CA10: variants seen among roughly 807,000 people sequenced by gnomAD.
The protein encoded by CA10 is carbonic anhydrase-related protein 10.
Under a neutral mutation model 44.2 loss-of-function variants are expected in CA10, and 14 were observed. The observed-to-expected ratio is 0.32, with a 90% CI of 0.21 to 0.50. The LOEUF is 0.50. Among genes scored for constraint, CA10 ranks in the 20% least tolerant of loss-of-function variants. CA10 has a pLI of 0.99. For missense variants in CA10, 350 were observed against 409.7 expected (o/e 0.85, Z 1.26); for synonymous variants, 159 against 141.6 (o/e 1.12, Z -0.87).
chr17:51,819,048 A>G (rs1907671553), intron 3 of CA10, among the ~76,000 whole-genome samples: 1 of 152,202 alleles, frequency 6.6e-6, no homozygotes, highest in African/African-American at 2.4e-5. Context: ...GAGGTCCATA[A>G]AAAGGATGCT....
chr17:51,925,149 T>C (rs1598120801), intron 3 of CA10, among the ~76,000 whole-genome samples: 1 of 152,102 alleles, frequency 6.6e-6, no homozygotes, highest in Admixed American at 6.6e-5. Context: ...TTAAGCCTTC[T>C]GGGGAGCTGG....
intron 4 of CA10, among the ~76,000 whole-genome samples, chr17:51,742,810 G>T (rs1203068475): frequency 6.6e-6 from 1 of 152,218 alleles, no homozygotes; most frequent in African/African-American, 2.4e-5. Context: ...GAGGCTGAGA[G>T]CTAGCAAGGT....
chr17:51,951,505 A>C (rs898989330), intron 2 of CA10, among the ~76,000 whole-genome samples: 1 of 152,162 alleles, frequency 6.6e-6, no homozygotes, highest in Non-Finnish European at 1.5e-5. Context: ...ATCAGACTTA[A>C]CAATCATCTT....
intron 1 of CA10, among the ~76,000 whole-genome samples, chr17:52,138,033 C>T (rs1238608208): frequency 6.6e-6 from 1 of 152,082 alleles, no homozygotes; most frequent in Admixed American, 6.5e-5. Flanking sequence ...TATTATCTTA[C>T]AGTTCTGGAG....
At chr17:51,644,173 C>A (rs112834962) in intron 6 of CA10, among the ~76,000 whole-genome samples, 3 of 85,326 alleles carry the variant, frequency 3.5e-5, no homozygotes, top group African/African-American at 3.6e-5. Context: ...CAGTTCCCCC[C>A]CTTTTTTTTT....
chr17:51,726,930 C>T (rs893300520), intron 4 of CA10, among the ~76,000 whole-genome samples: 1 of 152,204 alleles, frequency 6.6e-6, no homozygotes, highest in Non-Finnish European at 1.5e-5. Flanking sequence ...CTCAGGTCTT[C>T]TGATTCTCAG....
chr17:51,972,891 G>A (rs917265295), intron 2 of CA10, among the ~76,000 whole-genome samples: 2 of 152,084 alleles, frequency 1.3e-5, no homozygotes, highest in Non-Finnish European at 2.9e-5. Flanking sequence ...ATATAAAAAT[G>A]AGGAAAAATG....
intron 2 of CA10, among the ~76,000 whole-genome samples, chr17:51,950,967 T>A (rs1983461334): frequency 6.6e-6 from 1 of 152,164 alleles, no homozygotes; most frequent in Non-Finnish European, 1.5e-5. Context: ...AGATGAATAA[T>A]ATTTTCCTCC....
chr17:52,022,024 A>G (rs1274255558), intron 2 of CA10, among the ~76,000 whole-genome samples: 1 of 152,036 alleles, frequency 6.6e-6, no homozygotes, highest in East Asian at 1.9e-4. Context: ...CTAGAAAATA[A>G]AGGAGGAGGA....
intron 3 of CA10, among the ~76,000 whole-genome samples, chr17:51,903,485 A>G (rs1357961863): frequency 6.6e-6 from 1 of 152,112 alleles, no homozygotes; most frequent in Non-Finnish European, 1.5e-5. Context: ...TCTTTGCCCA[A>G]TGAGCCAGGC....
intron 2 of CA10, among the ~76,000 whole-genome samples, chr17:52,010,454 T>C (rs1379762672): frequency 6.6e-6 from 1 of 151,836 alleles, no homozygotes; most frequent in African/African-American, 2.4e-5. Flanking sequence ...TAAAAAGGAA[T>C]TAAATAATGG....
intron 2 of CA10, among the ~76,000 whole-genome samples, chr17:52,043,958 G>C (rs1407669160): frequency 6.6e-6 from 1 of 152,054 alleles, no homozygotes; most frequent in African/African-American, 2.4e-5. Context: ...CAATTTGCTA[G>C]TATTTTGCTG....
intron 2 of CA10, among the ~76,000 whole-genome samples, chr17:52,040,301 G>A (rs537845759): frequency 7.6e-6 from 1 of 130,864 alleles, no homozygotes; most frequent in Admixed American, 7.8e-5. Context: ...ATTTATGAGT[G>A]CTCATGTTTG....
chr17:51,973,581 G>C (rs1267384401), intron 2 of CA10, among the ~76,000 whole-genome samples: 1 of 152,130 alleles, frequency 6.6e-6, no homozygotes. Flanking sequence ...CATTCAGAGT[G>C]GAGAGACTTT....
intron 3 of CA10, among the ~76,000 whole-genome samples, chr17:51,780,549 A>T (rs1340571571): frequency 1.3e-5 from 2 of 152,208 alleles, no homozygotes; most frequent in Non-Finnish European, 2.9e-5. Context: ...AGCCCAATAT[A>T]TTCAAGGAAT....
chr17:51,763,608 G>T (rs754170324), intron 3 of CA10, among the ~76,000 whole-genome samples: 3 of 152,102 alleles, frequency 2.0e-5, no homozygotes, highest in African/African-American at 4.8e-5. Flanking sequence ...CCACTGAAAA[G>T]CCTCTCAGAT....
intron 1 of CA10, among the ~76,000 whole-genome samples, chr17:52,145,888 G>T (rs924173933): frequency 1.3e-5 from 2 of 151,932 alleles, no homozygotes; most frequent in African/African-American, 4.8e-5. Flanking sequence ...TCACAATATT[G>T]AGATTATTTT....
At chr17:51,886,841 C>A (rs1980623989) in intron 3 of CA10, among the ~76,000 whole-genome samples, 1 of 152,150 alleles carries the variant, frequency 6.6e-6, no homozygotes, top group Non-Finnish European at 1.5e-5. Context: ...TCTTCTCTCA[C>A]CCTGGGATTT....
intron 4 of CA10, among the ~76,000 whole-genome samples, chr17:51,737,044 C>G (rs562817262): frequency 1.1e-4 from 16 of 152,234 alleles, no homozygotes; most frequent in African/African-American, 3.6e-4. Flanking sequence ...CAATCAGGCA[C>G]TTATGATTAG....
Sources: gnomAD v4.1 joint callset for allele counts (sites outside exome capture counted in the v4.1 genomes callset) on GRCh38, gnomAD v4.1.1 for gene constraint, MANE v1.5 for transcripts, NCBI Gene and HGNC (gene_info 2026-07-23, HGNC 2026-07-21) for gene names.